Variants in PPIL3 observed in about 807,000 individuals in gnomAD.
PPIL3 encodes peptidylprolyl isomerase like 3.
Under a neutral mutation model 20.9 loss-of-function variants are expected in PPIL3, and 13 were observed. The observed-to-expected ratio is 0.62, with a 90% CI of 0.40 to 0.99. The LOEUF (loss-of-function observed/expected upper bound fraction) is 0.99, where lower values mean the gene tolerates loss of function less well. Among genes scored for constraint, PPIL3 ranks in the 50% least tolerant of loss-of-function variants. The probability of loss-of-function intolerance (pLI) is 0.00; values close to 1 mark genes in which losing one functional copy is unlikely to be tolerated. For missense variants in PPIL3, 170 were observed against 195.2 expected, an observed-to-expected ratio of 0.87 and a Z score of 0.77; for synonymous variants, 71 against 64.4, an observed-to-expected ratio of 1.10 and a Z score of -0.49.
chr2:200,878,451 G>A (rs568079962), intron 5 of PPIL3, among the ~76,000 whole-genome samples: 7 of 149,494 alleles, frequency 4.7e-5, no homozygotes, highest in Non-Finnish European at 8.9e-5. Flanking sequence ...GTGCAGTGGT[G>A]CAATCATAGC....
At position 200,876,834 on chromosome 2, in the gene PPIL3, A is replaced by C. The variant is rs1307131378; in HGVS notation, c.359+85T>G. On this transcript the variant is annotated intron_variant, in intron 6 of 6. Transcript: ENST00000392283. The stretch of plus-strand genomic sequence containing the variant: ...CACTGCGCTCGGCCTCACTCTTTTC[A>C]ATATTAGTTATGCTACTGTCACAGC... 4 of 1,065,432 alleles carry C rather than the reference A, an allele frequency of 3.8e-6. No homozygotes were observed. The African/African-American group carries it at 6.3e-5, about 17-fold the overall frequency. The allele number at this position is 1,065,432 out of a possible 1,614,324, so 66.0% of individuals were successfully genotyped here.
chr2:200,877,036 T>G lies in PPIL3; in HGVS notation c.242A>C (p.His81Pro). 1 of 1,587,648 alleles carries G rather than the reference T, an allele frequency of 6.3e-7. No homozygotes were observed. Among genetic ancestry groups the G allele is most frequent in the Non-Finnish European group, 8.6e-7 (1 of 1,156,148 alleles). ...CATAGATACAACACCTCTAACATTG[T>G]GCTGAAAAAGACACATCAAAGTATT... ...FEDEYSEYLK[H>P]NVRGVVSMAN... The change falls in exon 6 of 7, where the codon CAC (histidine) becomes CCC (proline). Residue 81 changes from histidine (H) to proline (P), a missense_variant and splice_region_variant. Physicochemically the swap from His to Pro is moderately conservative, Grantham distance 77. Transcript: ENST00000392283.
chr2:200,882,996 C>T (rs2039791912), intron 3 of PPIL3, among the ~76,000 whole-genome samples: 1 of 151,688 alleles, frequency 6.6e-6, no homozygotes, highest in African/African-American at 2.4e-5. Flanking sequence ...ATACTAAGAA[C>T]TGCTTTCTTG....
chr2:200,874,369 A>C (rs545362396), intron 6 of PPIL3, among the ~76,000 whole-genome samples: 3 of 152,142 alleles, frequency 2.0e-5, no homozygotes, highest in Admixed American at 2.0e-4. Context: ...AGTAAGAGAA[A>C]CAGAGGAGGT....
At chr2:200,875,558 A>G (rs562702788) in intron 6 of PPIL3, among the ~76,000 whole-genome samples, 99 of 149,416 alleles carry the variant, frequency 6.6e-4, no homozygotes, top group South Asian at 1.3e-3. Context: ...GAGCCACCGC[A>G]CCCGGCTTTT....
At chr2:200,888,233 T>C (rs1006187333) in intron 1 of PPIL3, 2 of 152,050 alleles carry the variant, frequency 1.3e-5, no homozygotes, top group Non-Finnish European at 2.9e-5. Context: ...GGTCCAGGCA[T>C]TGGGTGTCCC....
intron 1 of PPIL3, among the ~76,000 whole-genome samples, chr2:200,887,994 C>A (rs1053805461): frequency 6.8e-6 from 1 of 147,144 alleles, no homozygotes; most frequent in Non-Finnish European, 1.5e-5. Flanking sequence ...GAGGCGGAGG[C>A]TGCAGTGAGC....
chr2:200,887,843 G>A (rs1232276071), intron 1 of PPIL3, among the ~76,000 whole-genome samples, 158 bp from the exon 2 acceptor site: 4 of 151,958 alleles, frequency 2.6e-5, no homozygotes, highest in Non-Finnish European at 5.9e-5. Context: ...GATCACTTGA[G>A]GTCAGGAGTT....
intron 2 of PPIL3, among the ~76,000 whole-genome samples, chr2:200,886,255 AT>A (rs2039934307): frequency 6.6e-6 from 1 of 152,224 alleles, no homozygotes; most frequent in Non-Finnish European, 1.5e-5. Context: ...ACTAACAAAA[AT>A]ATAACAAGTG....
chr2:200,885,370 CAA>C, intron 3 of PPIL3: 6 of 325,040 alleles, frequency 1.8e-5, no homozygotes, highest in African/African-American at 2.3e-5. Flanking sequence ...GACTCCATCT[CAA>C]AAAAAAATAA....
At chr2:200,887,727 C>CT in intron 1 of PPIL3, 42 bp from the exon 2 acceptor site, 1 of 867,962 alleles carries the variant, frequency 1.2e-6, no homozygotes. Flanking sequence ...ATTTTCCTGT[C>CT]TTAACTCACA....
chr2:200,888,252 G>A (rs2040041724), intron 1 of PPIL3: 3 of 151,850 alleles, frequency 2.0e-5, no homozygotes, highest in Non-Finnish European at 4.4e-5. Flanking sequence ...CCTTTTGCCT[G>A]GAATTCTTAT....
chr2:200,885,601 A>C (rs369472634), intron 3 of PPIL3, 97 bp downstream of exon 3: 3 of 801,292 alleles, frequency 3.7e-6, no homozygotes, highest in East Asian at 2.7e-5. Context: ...GGTTTTACAG[A>C]AAGTTTTGTT....
At chr2:200,880,409 CTTT>C (rs779189285) in intron 5 of PPIL3, among the ~76,000 whole-genome samples, 2 of 131,874 alleles carry the variant, frequency 1.5e-5, no homozygotes, top group Non-Finnish European at 3.2e-5. Flanking sequence ...ATTGAGTAGA[CTTT>C]TTTTTTTTTT....
intron 3 of PPIL3, among the ~76,000 whole-genome samples, chr2:200,882,781 C>T (rs2039779336): frequency 6.6e-6 from 1 of 151,642 alleles, no homozygotes; most frequent in African/African-American, 2.4e-5. Flanking sequence ...TGGCAGGCGC[C>T]TCCAACTACT....
chr2:200,874,183 C>T (rs536779680), intron 6 of PPIL3, among the ~76,000 whole-genome samples: 2 of 132,564 alleles, frequency 1.5e-5, no homozygotes, highest in Admixed American at 8.7e-5. Flanking sequence ...CCAGCCTGGG[C>T]GACAGAGTGA....
Position 200,877,053 on chromosome 2 carries a change from C to T in PPIL3, c.241-16G>A, listed in dbSNP as rs1481134964. The T allele has an allele frequency of 6.8e-7, 1 of 1,479,356 alleles. No homozygotes were observed. 91.6% of individuals were successfully genotyped at this position (1,479,356 alleles called of 1,614,324 possible). On this transcript the variant is annotated splice_polypyrimidine_tract_variant and intron_variant, in intron 5 of 6. Coordinates refer to ENST00000392283, the MANE Select transcript of PPIL3 (RefSeq NM_130906.3). The stretch of plus-strand genomic sequence containing the variant: ...TAACATTGTGCTGAAAAAGACACAT[C>T]AAAGTATTAACTGTGTTTTTATATA...
intron 3 of PPIL3, 112 bp from the exon 4 acceptor site, chr2:200,882,547 G>T: frequency 2.7e-6 from 2 of 733,164 alleles, no homozygotes; most frequent in South Asian, 1.5e-5. Context: ...TATGACTGTT[G>T]TCATTACTTT....
chr2:200,881,515 A>G (rs1431086455), intron 4 of PPIL3, 27 bp from the exon 5 acceptor site: 1 of 1,579,320 alleles, frequency 6.3e-7, no homozygotes. Context: ...GCAAATCAAA[A>G]GAAGTATTTA....
Sources: gnomAD v4.1 joint callset for allele counts (sites outside exome capture counted in the v4.1 genomes callset) on GRCh38, gnomAD v4.1.1 for gene constraint, MANE v1.5 for transcripts, NCBI Gene and HGNC (gene_info 2026-07-23, HGNC 2026-07-21) for gene names.